The following SIDT1 variants were observed in gnomAD, a reference collection of about 807,000 sequenced individuals.
SIDT1 encodes the protein SID1 transmembrane family member 1.
In SIDT1, 101 loss-of-function variants were observed where a neutral mutation model predicts 107.5. That is an observed-to-expected ratio of 0.94 (90% CI 0.80 to 1.11). SIDT1 has a LOEUF of 1.11. SIDT1 is among the 50% of genes least tolerant of loss of function. SIDT1 has a pLI of 0.00. For synonymous variants in SIDT1, 395 were observed against 398.2 expected (o/e 0.99, Z 0.10); for missense variants, 1,076 against 1,058.2 (o/e 1.02, Z -0.23).
At chr3:113,600,619 T>G (rs1282623184) in intron 10 of SIDT1, among the ~76,000 whole-genome samples, 2 of 152,244 alleles carry the variant, frequency 1.3e-5, no homozygotes, top group South Asian at 4.1e-4. Flanking sequence ...AGCAAAGCTC[T>G]ATGCTGTAAC....
chr3:113,612,459 G>C, intron 19 of SIDT1: 1 of 542,088 alleles, frequency 1.8e-6, no homozygotes, highest in African/African-American at 1.9e-5. Flanking sequence ...TCCAACCCCT[G>C]GTTGCAAACA....
At position 113,583,478 on chromosome 3, in the gene SIDT1, G is replaced by A. The variant is rs780717413; in HGVS notation, c.817G>A (p.Gly273Arg). 6.3e-7 allele frequency: 1 copy of A among 1,594,980 alleles called. No homozygotes were observed. Among genetic ancestry groups the A allele is most frequent in the South Asian group, 1.1e-5 (1 of 88,444 alleles). Reference sequence around the variant, plus strand: ...AAAGCCTGAAGATTATGCCTGTGGAGGATCTTTCTTCATCCAGGGTAAGAG... The same window carrying A: ...AAAGCCTGAAGATTATGCCTGTGGAAGATCTTTCTTCATCCAGGGTAAGAG... ...VIKPEDYACG[G>R]SFFIQEKENQ... The change falls in exon 7 of 25, where the codon GGA becomes AGA. Residue 273 changes from glycine (G) to arginine (R), a missense_variant. Transcript: ENST00000264852.
At chr3:113,576,403 T>C (rs937979951) in intron 3 of SIDT1, among the ~76,000 whole-genome samples, 6 of 152,164 alleles carry the variant, frequency 3.9e-5, no homozygotes, top group African/African-American at 1.4e-4. Flanking sequence ...TAGGGGATAG[T>C]AAGGGCCTGC....
chr3:113,594,987 A>G (rs1944436279), intron 10 of SIDT1: 1 of 154,280 alleles, frequency 6.5e-6, no homozygotes, highest in Non-Finnish European at 1.5e-5. Flanking sequence ...GGACCTTTTA[A>G]GAAGCCCTCA....
intron 1 of SIDT1, among the ~76,000 whole-genome samples, chr3:113,540,830 C>T (rs889860859): frequency 6.6e-6 from 1 of 152,006 alleles, no homozygotes; most frequent in Non-Finnish European, 1.5e-5. Context: ...TTTTATAATG[C>T]CCTTAGTCTC....
At chr3:113,601,135 G>C (rs1374771125) in intron 10 of SIDT1, among the ~76,000 whole-genome samples, 1 of 152,164 alleles carries the variant, frequency 6.6e-6, no homozygotes, top group African/African-American at 2.4e-5. Context: ...TAAAGGTTTT[G>C]AGTTTACACT....
intron 10 of SIDT1, among the ~76,000 whole-genome samples, chr3:113,599,929 G>A (rs141778086): frequency 1.3e-3 from 200 of 152,302 alleles, no homozygotes; most frequent in African/African-American, 4.6e-3. Context: ...TGATGGATAT[G>A]TTAATTTGCT....
chr3:113,584,030 G>C (rs2107535631), intron 7 of SIDT1, among the ~76,000 whole-genome samples: 1 of 152,272 alleles, frequency 6.6e-6, no homozygotes, highest in South Asian at 2.1e-4. Context: ...CTTAGGCATA[G>C]CACAAATAGT....
At chr3:113,601,459 T>G in intron 10 of SIDT1, 129 bp from the exon 11 acceptor site, 1 of 638,928 alleles carries the variant, frequency 1.6e-6, no homozygotes, top group Non-Finnish European at 2.8e-6. Flanking sequence ...TTTTGGTGAC[T>G]CCTGTATTAG....
At chr3:113,547,004 A>G (rs1939667437) in intron 1 of SIDT1, among the ~76,000 whole-genome samples, 1 of 152,174 alleles carries the variant, frequency 6.6e-6, no homozygotes, top group Non-Finnish European at 1.5e-5. Context: ...TTATTTGAAA[A>G]GGAAAATATC....
chr3:113,586,782 G>A (rs1276918111), intron 9 of SIDT1, among the ~76,000 whole-genome samples: 1 of 152,170 alleles, frequency 6.6e-6, no homozygotes, highest in East Asian at 1.9e-4. Flanking sequence ...TAGCATTCCA[G>A]AAATGCATAT....
chr3:113,604,000 G>A lies in SIDT1; in HGVS notation c.1304G>A (p.Arg435Lys), dbSNP rs778923517. ...YLSDLSRKDR[R>K]IVSKKYKIYF... ...TCAGATTTGTCCAGGAAGGACCGGAGAATTGTCAGCAAAAAATATAAAATT... is the reference window on the plus strand; with the variant it reads ...TCAGATTTGTCCAGGAAGGACCGGAAAATTGTCAGCAAAAAATATAAAATT... The change falls in exon 13 of 25, where the codon AGA (arginine) becomes AAA (lysine). Residue 435 changes from arginine to lysine, a missense_variant. Coordinates refer to ENST00000264852, the MANE Select transcript of SIDT1 (RefSeq NM_017699.3). 2.5e-6 allele frequency: 4 copies of A among 1,610,284 alleles called. No individual in the cohort carries two copies. The highest frequency in any genetic ancestry group is 2.5e-6 in the Non-Finnish European group (3 of 1,177,928).
chr3:113,548,727 C>G (rs1397875273), intron 1 of SIDT1, among the ~76,000 whole-genome samples: 2 of 152,086 alleles, frequency 1.3e-5, no homozygotes, highest in East Asian at 3.8e-4. Context: ...TAGACTAACC[C>G]TTATCTTCCT....
chr3:113,627,689 A>T lies in SIDT1; in HGVS notation c.2465A>T (p.Asp822Val). The T allele has an allele frequency of 6.2e-7, 1 of 1,613,768 alleles. No individual in the cohort carries two copies. Among genetic ancestry groups the T allele is most frequent in the Non-Finnish European group, 8.5e-7 (1 of 1,180,016 alleles). Residue 822 changes from aspartate to valine, a missense_variant, in exon 25 of 25, where the codon GAC (aspartate) becomes GTC (valine). Transcript: ENST00000264852. ...GATGACCTTGATGTGGTTCGGAGAG[A>T]CCAGATCCCTGTCTTCTGAACCTCC... ...LDDDLDVVRR[D>V]QIPVF
At chr3:113,582,652 G>A (rs1289150979) in intron 6 of SIDT1, among the ~76,000 whole-genome samples, 2 of 151,920 alleles carry the variant, frequency 1.3e-5, no homozygotes, top group South Asian at 2.1e-4. Flanking sequence ...CTCTTTTGGG[G>A]CCTAACCTTT....
At chr3:113,581,614 T>C in intron 6 of SIDT1, 170 bp downstream of exon 6, 1 of 595,182 alleles carries the variant, frequency 1.7e-6, no homozygotes, top group South Asian at 2.0e-5. Context: ...GGCTCACACC[T>C]GTAATCCTAG....
At chr3:113,578,677 G>A (rs889639952) in intron 4 of SIDT1, among the ~76,000 whole-genome samples, 1 of 150,954 alleles carries the variant, frequency 6.6e-6, no homozygotes. Context: ...GCAAGACCCT[G>A]TCTCTACAAA....
intron 1 of SIDT1, among the ~76,000 whole-genome samples, chr3:113,533,493 T>C (rs1376940399): frequency 6.6e-6 from 1 of 152,204 alleles, no homozygotes; most frequent in African/African-American, 2.4e-5. Context: ...GAGGCACCAG[T>C]TCCCCGCACC....
At chr3:113,591,491 A>AG (rs1461666247) in intron 9 of SIDT1, among the ~76,000 whole-genome samples, 5 of 152,238 alleles carry the variant, frequency 3.3e-5, no homozygotes, top group Non-Finnish European at 5.9e-5. Context: ...CTGAAAAAAA[A>AG]AAAGAAGAAC....
Sources: allele counts gnomAD v4.1 joint callset (sites outside exome capture counted in the v4.1 genomes callset), GRCh38; gene constraint gnomAD v4.1.1; transcripts MANE v1.5; gene names NCBI Gene and HGNC (gene_info 2026-07-23, HGNC 2026-07-21).